DCHS1: variants seen among roughly 807,000 people sequenced by gnomAD.
DCHS1 encodes protocadherin-16.
DCHS1 carries 78 observed loss-of-function variants against 213.9 expected under a neutral mutation model. The ratio of observed to expected loss-of-function variants is 0.36; its 90% CI spans 0.30 to 0.44. The LOEUF (loss-of-function observed/expected upper bound fraction) is 0.44, where lower values mean the gene tolerates loss of function less well. DCHS1 is among the 20% of genes least tolerant of loss of function. The pLI, the probability that DCHS1 is intolerant of heterozygous loss-of-function variation, is 1.00. For synonymous variants in DCHS1, 1,828 were observed against 1,873.7 expected (o/e 0.98, Z 0.63); for missense variants, 3,946 against 4,395.9 (o/e 0.90, Z 2.89).
chr11:6,623,190 C>A lies in DCHS1; in HGVS notation c.8486G>T (p.Gly2829Val). The change falls in exon 21 of 21, where the codon GGC becomes GTC. Residue 2829 changes from glycine to valine, a missense_variant. Gly to Val is a moderately radical substitution (Grantham distance 109). Coordinates refer to ENST00000299441, the MANE Select transcript of DCHS1 (RefSeq NM_003737.4). ...GGCCTGCACGTGACCCAAGCTGTGG[C>A]CACGCCGGGCACCTTCGGGCACTTG... ...HFQVPEGARR[G>V]HSLGHVQATD... is the part of the protein sequence containing the mutation. The A allele has an allele frequency of 6.2e-7, 1 of 1,605,130 alleles. No individual in the cohort carries two copies. Among genetic ancestry groups the A allele is most frequent in the Non-Finnish European group, 8.5e-7 (1 of 1,175,848 alleles).
At position 6,629,849 on chromosome 11, in the gene DCHS1, C is replaced by T; in HGVS notation, c.4858G>A (p.Val1620Met). ...EQRAEHVLTVVASDHGSPPRS... is the reference protein window; with the variant it reads ...EQRAEHVLTVMASDHGSPPRS... ...GGCGGGGAGCCGTGGTCTGAGGCCACCACTGTCAGTACGTGCTCAGCTCGT... is the reference window on the plus strand; with the variant it reads ...GGCGGGGAGCCGTGGTCTGAGGCCATCACTGTCAGTACGTGCTCAGCTCGT... Residue 1620 changes from valine to methionine, a missense_variant, in exon 11 of 21, where the codon GTG becomes ATG. Val to Met is a conservative substitution (Grantham distance 21). Around this residue, in one of 3 missense-constraint regions of DCHS1, gnomAD observed 3,384 missense variants for 3,780.1 expected, o/e 0.90. Transcript: ENST00000299441. 6.2e-7 allele frequency: 1 copy of T among 1,613,106 alleles called. No homozygotes were observed. The highest frequency in any genetic ancestry group is 8.5e-7 in the Non-Finnish European group (1 of 1,179,882).
Position 6,632,553 on chromosome 11 carries a change from C to A in DCHS1, c.2959G>T (p.Val987Leu). 1 of 1,523,750 alleles carries A rather than the reference C, an allele frequency of 6.6e-7. No homozygotes were observed. Among genetic ancestry groups the A allele is most frequent in the Non-Finnish European group, 8.8e-7 (1 of 1,132,734 alleles). 94.4% of individuals were successfully genotyped at this position (1,523,750 alleles called of 1,614,324 possible). The change falls in exon 6 of 21, where the codon GTG (valine) becomes TTG (leucine). Residue 987 changes from valine (V) to leucine (L), a missense_variant. Transcript: ENST00000299441. The surrounding 1 kb of genome is among the most constrained non-coding windows in gnomAD (Gnocchi z 5.9). ...PRTSHFRLRV[V>L]VQDVGTRGLA... ...CCACGGGTTCCCACATCCTGTACCA[C>A]CACCCGTAGTCGAAAGTGGCTGGTG...
At chr11:6,630,908 T>C in intron 9 of DCHS1, 45 bp from the exon 10 acceptor site, 1 of 1,495,192 alleles carries the variant, frequency 6.7e-7, no homozygotes, top group Non-Finnish European at 8.9e-7. Context: ...AGGGCCCGTG[T>C]AAAAGGGGAT....
chr11:6,653,308 G>GC (rs1332302384), intron 1 of DCHS1, among the ~76,000 whole-genome samples: 1 of 152,064 alleles, frequency 6.6e-6, no homozygotes, highest in Non-Finnish European at 1.5e-5. Flanking sequence ...AAGTTTAAAT[G>GC]CCACTTCCTC....
Position 6,655,665 on chromosome 11 carries a change from G to A in DCHS1, c.-223C>T, listed in dbSNP as rs1471470833. ...CGCGCGGGGCCTGAGGCCGCGCATC[G>A]TCCGCAGTCGCTGTCTCCGAGGCCC... On this transcript the variant is annotated 5_prime_UTR_variant, in exon 1 of 21. The change creates a new upstream start codon in the 5' untranslated region. Coordinates refer to ENST00000299441, the MANE Select transcript of DCHS1 (RefSeq NM_003737.4). 1.0e-6 allele frequency: 1 copy of A among 978,312 alleles called. No individual in the cohort carries two copies. The highest frequency in any genetic ancestry group is 1.2e-4 in the East Asian group (1 of 8,640). 60.6% of individuals were successfully genotyped at this position (978,312 alleles called of 1,614,324 possible).
In DCHS1 at chr11:6,634,005, T is replaced by G. The variant is rs776678365; in HGVS notation, c.2002A>C (p.Met668Leu). The stretch of plus-strand genomic sequence containing the variant: ...GACAGAAACACCTTCACATATACCA[T>G]GGACTTGAGGCCTCCCTGGTGGGAC... ...TAVDGGGLKS[M>L]VYVKVFLSDE... The change falls in exon 4 of 21, where the codon ATG (methionine) becomes CTG (leucine). Residue 668 changes from methionine to leucine, a missense_variant. This residue lies in a region of DCHS1 where 3,384 missense variants were observed against 3,780.1 expected (regional missense o/e 0.90). Coordinates refer to ENST00000299441, the MANE Select transcript of DCHS1 (RefSeq NM_003737.4). 5 of 1,613,928 alleles carry G rather than the reference T, an allele frequency of 3.1e-6. No homozygotes were observed. Among genetic ancestry groups the G allele is most frequent in the Non-Finnish European group, 4.2e-6 (5 of 1,179,836 alleles).
chr11:6,633,180 G>A (rs1490424586), intron 5 of DCHS1, 124 bp from the exon 6 acceptor site: 5 of 1,264,376 alleles, frequency 4.0e-6, no homozygotes, highest in Admixed American at 2.6e-5. Flanking sequence ...ATATTAGGAG[G>A]AGGGGCAGGG....
In DCHS1 at chr11:6,625,893, T is replaced by C. The variant is rs757448038; in HGVS notation, c.6731+27A>G. 1.2e-5 allele frequency: 20 copies of C among 1,608,608 alleles called. No homozygotes were observed. In the East Asian group the frequency reaches 3.6e-4, roughly 29 times the overall value. The stretch of plus-strand genomic sequence containing the variant: ...GAAACTGGACAGGCCCAAGATGGGG[T>C]CTTGGGTCCACAGGGCCAGGCCTCA... On this transcript the variant is annotated intron_variant, in intron 17 of 20. Coordinates refer to ENST00000299441, the MANE Select transcript of DCHS1 (RefSeq NM_003737.4). This position sits in a 1 kb window ranked among gnomAD's most constrained non-coding sequence, Gnocchi z 5.3.
rs1855836020 is a variant in DCHS1 at position 6,627,770 on chromosome 11, C to A, written c.5372-103G>T. 3.2e-6 allele frequency: 4 copies of A among 1,250,324 alleles called. No homozygotes were observed. The East Asian group carries it at 7.4e-5, about 23-fold the overall frequency. The allele number at this position is 1,250,324 out of a possible 1,614,324, so 77.5% of individuals were successfully genotyped here. A position where few individuals can be genotyped will look rare whatever the true frequency, so the allele number is the denominator to read the frequency against. ...GAGCATGTGCACAAAAGCAAGTGAA[C>A]CTTATGAGAGAAAGGAAGAAAAACA... On this transcript the variant is annotated intron_variant, in intron 13 of 20. Coordinates refer to ENST00000299441, the MANE Select transcript of DCHS1 (RefSeq NM_003737.4). This position sits in a 1 kb window ranked among gnomAD's most constrained non-coding sequence, Gnocchi z 5.4.
Position 6,629,800 on chromosome 11 carries a change from G to T in DCHS1, c.4907C>A (p.Thr1636Asn). The change falls in exon 11 of 21, where the codon ACC becomes AAC. Residue 1636 changes from threonine (T) to asparagine (N), a missense_variant. By Grantham distance (65) the Thr-to-Asn change is moderately conservative. This residue lies in a region of DCHS1 where 3,384 missense variants were observed against 3,780.1 expected (regional missense o/e 0.90). Transcript: ENST00000299441. ...GTCGTTGACGTCAGCGACACTGACG[G>T]TCAGGACCTGCGTGGCCGAGCGCGG... ...SPPRSATQVL[T>N]VSVADVNDEA... 6.2e-7 allele frequency: 1 copy of T among 1,613,468 alleles called. No homozygotes were observed. Among genetic ancestry groups the T allele is most frequent in the Non-Finnish European group, 8.5e-7 (1 of 1,179,900 alleles).
Position 6,634,179 on chromosome 11 carries a change from C to T in DCHS1, c.1925G>A (p.Arg642Gln), listed in dbSNP as rs897658126. ...GGGCCCCTGGTCACGGTCCAGGGTC[C>T]GGGTTGTGCACACATCACCGCTGTG... ...DAHSGDVCTT[R>Q]TLDRDQGPSS... Residue 642 changes from arginine to glutamine, a missense_variant, in exon 3 of 21, where the codon CGG (arginine) becomes CAG (glutamine). Coordinates refer to ENST00000299441, the MANE Select transcript of DCHS1 (RefSeq NM_003737.4). 1.2e-5 allele frequency: 19 copies of T among 1,613,454 alleles called. No homozygotes were observed. Among genetic ancestry groups the T allele is most frequent in the East Asian group, 4.5e-5 (2 of 44,874 alleles).
At chr11:6,631,934 G>A in intron 6 of DCHS1, 97 bp downstream of exon 6, 1 of 1,447,954 alleles carries the variant, frequency 6.9e-7, no homozygotes, top group Non-Finnish European at 9.1e-7. Context: ...TCATTCTCAG[G>A]GGCGAGATGG....
rs149968543 is a variant in DCHS1, at chr11:6,629,662, C to A, written c.5035+10G>T. On this transcript the variant is annotated intron_variant, in intron 11 of 20. Coordinates refer to ENST00000299441, the MANE Select transcript of DCHS1 (RefSeq NM_003737.4). ...CCATCCCACTCATAATTCACCCCCC[C>A]AGGTCTTACCCACGTCGGGGTCGGT... 5 of 1,613,014 alleles carry A rather than the reference C, an allele frequency of 3.1e-6. No individual in the cohort carries two copies. Among genetic ancestry groups the A allele is most frequent in the Non-Finnish European group, 3.4e-6 (4 of 1,179,468 alleles).
rs757359025 is a variant in DCHS1, at chr11:6,627,518, A to C, written c.5521T>G (p.Leu1841Val). ...GQPALSATLL[L>V]TVTVLDANDH... ...TTGGCATCCAGCACTGTCACTGTCAAAAGCAGCGTGGCACTGAGAGCTGGC... is the reference window on the plus strand; with the variant it reads ...TTGGCATCCAGCACTGTCACTGTCACAAGCAGCGTGGCACTGAGAGCTGGC... The change falls in exon 14 of 21, where the codon TTG becomes GTG. Residue 1841 changes from leucine to valine, a missense_variant. Around this residue, in one of 3 missense-constraint regions of DCHS1, gnomAD observed 3,384 missense variants for 3,780.1 expected, o/e 0.90. Coordinates refer to ENST00000299441, the MANE Select transcript of DCHS1 (RefSeq NM_003737.4). This position sits in a 1 kb window ranked among gnomAD's most constrained non-coding sequence, Gnocchi z 5.4. 40 of 1,612,360 alleles carry C rather than the reference A, an allele frequency of 2.5e-5. No individual in the cohort carries two copies. The highest frequency in any genetic ancestry group is 3.4e-5 in the Non-Finnish European group (40 of 1,179,476).
At position 6,629,359 on chromosome 11, in the gene DCHS1, A is replaced by G. The variant is rs1855862954; in HGVS notation, c.5161+93T>C. On this transcript the variant is annotated intron_variant, in intron 12 of 20. Transcript: ENST00000299441. ...AGGAGCTTTGTGGTAATAGGCAAAA[A>G]CTTCTAAAAGGTAGTACTTTGGGTA... 15 of 1,498,362 alleles carry G rather than the reference A, an allele frequency of 1.0e-5. No individual in the cohort carries two copies. In the South Asian group the frequency reaches 1.8e-4, roughly 18 times the overall value. 92.8% of individuals were successfully genotyped at this position (1,498,362 alleles called of 1,614,324 possible). A position where few individuals can be genotyped will look rare whatever the true frequency, so the allele number is the denominator to read the frequency against.
At chr11:6,654,951 C>T (rs1187809687) in intron 1 of DCHS1, among the ~76,000 whole-genome samples, 5 of 151,784 alleles carry the variant, frequency 3.3e-5, no homozygotes, top group African/African-American at 1.2e-4. Context: ...GACACAAACT[C>T]CCAGTTGCTC....
Position 6,629,595 on chromosome 11 carries a change from G to A in DCHS1, c.5036-18C>T. The A allele has an allele frequency of 6.2e-7, 1 of 1,613,514 alleles. No individual in the cohort carries two copies. The highest frequency in any genetic ancestry group is 1.1e-5 in the South Asian group (1 of 90,964). On this transcript the variant is annotated intron_variant, in intron 11 of 20. Coordinates refer to ENST00000299441, the MANE Select transcript of DCHS1 (RefSeq NM_003737.4). ...GTTGGCCCCTGAGGAGGGGCAGCAT[G>A]GAGGGCGATCAGAGGGTAAAAATGC...
At chr11:6,643,591 C>T (rs753219135) in intron 1 of DCHS1, among the ~76,000 whole-genome samples, 1 of 152,194 alleles carries the variant, frequency 6.6e-6, no homozygotes, top group Non-Finnish European at 1.5e-5. Flanking sequence ...TTTTCCTCTG[C>T]CCACTCCTTC....
chr11:6,622,123 G>C lies in DCHS1; in HGVS notation c.9553C>G (p.Arg3185Gly). ...CATGGCCGAGCTTCATCCTTGAGCC[G>C]AGCGATCTCTGTGAAGACACTGGCC... ...PLASVFTEIA[R>G]LKDEARPCPP... The change falls in exon 21 of 21, where the codon CGG (arginine) becomes GGG (glycine). Residue 3185 changes from arginine to glycine, a missense_variant. Arg to Gly is a moderately radical substitution (Grantham distance 125, BLOSUM62 -2). This residue lies in a region of DCHS1 where 554 missense variants were observed against 590.2 expected (regional missense o/e 0.94). Transcript: ENST00000299441. The surrounding 1 kb of genome is among the most constrained non-coding windows in gnomAD (Gnocchi z 5.4). 1 of 1,613,026 alleles carries C rather than the reference G, an allele frequency of 6.2e-7. No individual in the cohort carries two copies. The highest frequency in any genetic ancestry group is 8.5e-7 in the Non-Finnish European group (1 of 1,179,834).
Sources: gnomAD v4.1 joint callset for allele counts (sites outside exome capture counted in the v4.1 genomes callset) on GRCh38, gnomAD v4.1.1 for gene constraint, gnomAD v4.1.1 regional missense constraint, Gnocchi (gnomAD v3.1) non-coding constraint, MANE v1.5 for transcripts, NCBI Gene and HGNC (gene_info 2026-07-23, HGNC 2026-07-21) for gene names.